FGF14: variants seen among roughly 807,000 people sequenced by gnomAD.
The protein encoded by FGF14 is fibroblast growth factor homologous factor 4.
In FGF14, 5 loss-of-function variants were observed where a neutral mutation model predicts 25.5. The ratio of observed to expected loss-of-function variants is 0.20; its 90% CI spans 0.10 to 0.41. The LOEUF (loss-of-function observed/expected upper bound fraction) is 0.41. Among genes scored for constraint, FGF14 ranks in the 10% least tolerant of loss-of-function variants. The pLI is 1.00. For missense variants in FGF14, 222 were observed against 320.1 expected, an observed-to-expected ratio of 0.69 and a Z score of 2.34; for synonymous variants, 138 against 118.3, an observed-to-expected ratio of 1.17 and a Z score of -1.08.
At chr13:102,121,405 G>A (rs746072972) in intron 1 of FGF14, among the ~76,000 whole-genome samples, 2 of 145,982 alleles carry the variant, frequency 1.4e-5, no homozygotes, top group Non-Finnish European at 3.0e-5. Flanking sequence ...TAGAAAATTA[G>A]TTTTTATAGT....
chr13:102,365,042 A>G (rs897277199), intron 1 of FGF14, among the ~76,000 whole-genome samples: 1 of 152,080 alleles, frequency 6.6e-6, no homozygotes, highest in South Asian at 2.1e-4. Context: ...TTGTCTTTAC[A>G]CCACTAGGTT....
rs140527622 is a variant in FGF14, at chr13:102,158,220, C to T, written c.208+243251G>A. Among the ~76,000 whole-genome samples, 634 of 152,204 alleles carry T rather than the reference C, an allele frequency of 4.2e-3. 4 individuals are homozygous for T. Among genetic ancestry groups the T allele is most frequent in the African/African-American group, 0.014 (592 of 41,532 alleles). On this transcript the variant is annotated intron_variant, in intron 1 of 4. Transcript: ENST00000376131. ...ATGCTGCTGTAAAGACACATGCACA[C>T]GTATGTTTATTGCGGCACTATTCAC...
chr13:102,030,933 C>T (rs767679821), intron 1 of FGF14, among the ~76,000 whole-genome samples: 4 of 152,042 alleles, frequency 2.6e-5, no homozygotes, highest in Non-Finnish European at 5.9e-5. Flanking sequence ...ATATTAAGAT[C>T]CATGTTACAT....
At chr13:101,804,334 G>T (rs2041075372) in intron 3 of FGF14, among the ~76,000 whole-genome samples, 2 of 152,258 alleles carry the variant, frequency 1.3e-5, no homozygotes, top group African/African-American at 4.8e-5. Context: ...TACAGCAATG[G>T]TAATGAAGAG....
chr13:101,840,746 T>C (rs188215166), intron 3 of FGF14, among the ~76,000 whole-genome samples: 115 of 152,088 alleles, frequency 7.6e-4, no homozygotes, highest in African/African-American at 2.6e-3. Flanking sequence ...CCCTTTCCCC[T>C]AAAATGGCAT....
At chr13:102,068,401 T>G (rs2140137182) in intron 1 of FGF14, among the ~76,000 whole-genome samples, 1 of 152,338 alleles carries the variant, frequency 6.6e-6, no homozygotes, top group East Asian at 1.9e-4. Flanking sequence ...AGCCCACCGC[T>G]GCACTGTGGG....
Position 101,959,658 on chromosome 13 carries a change from A to G in FGF14, c.209-84362T>C, listed in dbSNP as rs556702360. Among the ~76,000 whole-genome samples the G allele has an allele frequency of 1.1e-4, 17 of 152,306 alleles. No individual in the cohort carries two copies. The South Asian group carries it at 3.5e-3, about 32-fold the overall frequency. On this transcript the variant is annotated intron_variant, in intron 1 of 4. Transcript: ENST00000376131. ...TTCAAAGCTCAGGTTAAATTCCACA[A>G]GCAAATTTCTCTGATTTCTCTGGTC... is the stretch of plus-strand genomic sequence containing the variant.
At chr13:102,157,746 G>A (rs977919442) in intron 1 of FGF14, among the ~76,000 whole-genome samples, 5 of 152,178 alleles carry the variant, frequency 3.3e-5, no homozygotes, top group African/African-American at 1.2e-4. Context: ...CCTACAGAAA[G>A]GGAGAAAGTT....
chr13:101,941,399 C>T lies in FGF14; in HGVS notation c.209-66103G>A, dbSNP rs541614282. Among the ~76,000 whole-genome samples the T allele has an allele frequency of 2.4e-3, 370 of 152,284 alleles. 4 individuals are homozygous for T. The highest frequency in any genetic ancestry group is 8.3e-3 in the African/African-American group (346 of 41,552). ...TGGATTTCCATAAGTTATAATAACA[C>T]GATAAGACCACTTTATCCATGTATT... On this transcript the variant is annotated intron_variant, in intron 1 of 4. Transcript: ENST00000376131.
intron 1 of FGF14, among the ~76,000 whole-genome samples, chr13:101,896,356 G>C (rs1205501129): frequency 2.0e-5 from 3 of 151,962 alleles, no homozygotes; most frequent in African/African-American, 7.3e-5. Context: ...GAACTCCATA[G>C]CTCCCTCTTC....
intron 1 of FGF14, among the ~76,000 whole-genome samples, chr13:102,012,355 G>A (rs984940353): frequency 9.9e-5 from 15 of 152,072 alleles, no homozygotes; most frequent in East Asian, 1.9e-4. Context: ...TTAATGCTAC[G>A]GTGACAAGTA....
chr13:102,116,088 C>G (rs2045457643), intron 1 of FGF14, among the ~76,000 whole-genome samples: 1 of 152,082 alleles, frequency 6.6e-6, no homozygotes, highest in Admixed American at 6.5e-5. Flanking sequence ...CCAGCCTGGG[C>G]AACAAGAGCG....
At chr13:101,815,472 C>T (rs2041795025) in intron 3 of FGF14, among the ~76,000 whole-genome samples, 1 of 152,090 alleles carries the variant, frequency 6.6e-6, no homozygotes, top group South Asian at 2.1e-4. Flanking sequence ...GCTGCAGCTA[C>T]CAGGTACTTC....
rs547476376 is a variant in FGF14 at position 102,362,596 on chromosome 13, C to A, written c.208+38875G>T. The stretch of plus-strand genomic sequence containing the variant: ...ATATGGGGTAAGTTAATCTTGCCTG[C>A]AGGCAAAATCAGCTGTTACCTCTAT... On this transcript the variant is annotated intron_variant, in intron 1 of 4. Coordinates refer to the FGF14 transcript ENST00000376131. Among the ~76,000 whole-genome samples the A allele has an allele frequency of 1.7e-3, 255 of 152,274 alleles. 2 individuals carry two copies. Among genetic ancestry groups the A allele is most frequent in the Non-Finnish European group, 3.0e-3 (206 of 68,004 alleles).
chr13:102,201,831 C>T (rs1422528731), intron 1 of FGF14, among the ~76,000 whole-genome samples: 4 of 152,114 alleles, frequency 2.6e-5, no homozygotes, highest in African/African-American at 7.2e-5. Context: ...TACTGGGGGA[C>T]GGACAGTACG....
chr13:101,963,697 A>C (rs988705593), intron 1 of FGF14, among the ~76,000 whole-genome samples: 1 of 152,220 alleles, frequency 6.6e-6, no homozygotes, highest in African/African-American at 2.4e-5. Flanking sequence ...TGTTGGTTTC[A>C]GTAGCATCAT....
At position 102,221,906 on chromosome 13, in the gene FGF14, A is replaced by C. The variant is rs555901135; in HGVS notation, c.208+179565T>G. Reference sequence around the variant, plus strand: ...AAAACAAACTTGGCATCTAATAAATAAGTGTCCACTGATTGTCTGAAACCA... The same window carrying C: ...AAAACAAACTTGGCATCTAATAAATCAGTGTCCACTGATTGTCTGAAACCA... On this transcript the variant is annotated intron_variant, in intron 1 of 4. Transcript: ENST00000376131. 2.6e-5 allele frequency among the ~76,000 whole-genome samples: 4 copies of C among 152,308 alleles called. No homozygotes were observed. In the East Asian group the frequency reaches 7.7e-4, roughly 29 times the overall value.
At chr13:102,221,617 CACACAA>C (rs1210401850) in intron 1 of FGF14, among the ~76,000 whole-genome samples, 1 of 68,430 alleles carries the variant, frequency 1.5e-5, no homozygotes, top group African/African-American at 8.7e-5. Context: ...ATCACACAAA[CACACAA>C]ACACACACAC....
chr13:102,280,615 A>C (rs926968630), intron 1 of FGF14, among the ~76,000 whole-genome samples: 1 of 152,248 alleles, frequency 6.6e-6, no homozygotes. Flanking sequence ...TTGGTTCTGC[A>C]AGGTAAACTG....
Sources: allele counts gnomAD v4.1 joint callset (sites outside exome capture counted in the v4.1 genomes callset), GRCh38; gene constraint gnomAD v4.1.1; transcripts MANE v1.5; gene names NCBI Gene and HGNC (gene_info 2026-07-23, HGNC 2026-07-21).